Variants in ATP2C2 observed in about 807,000 individuals in gnomAD.
ATP2C2 encodes calcium-transporting ATPase type 2C member 2.
ATP2C2 carries 171 observed loss-of-function variants against 110.8 expected under a neutral mutation model. The observed-to-expected ratio is 1.54, with a 90% CI of 1.36 to 1.75. The LOEUF is 1.75. Ranked by LOEUF, ATP2C2 falls within the 40% of genes most tolerant of loss-of-function variation. The pLI, the probability that ATP2C2 is intolerant of heterozygous loss-of-function variation, is 0.00. For missense variants in ATP2C2, 1,963 were observed against 1,235.0 expected, an observed-to-expected ratio of 1.59 and a Z score of -8.84; for synonymous variants, 804 against 508.4, an observed-to-expected ratio of 1.58 and a Z score of -7.82.
intron 1 of ATP2C2, among the ~76,000 whole-genome samples, chr16:84,393,638 G>A (rs1904794475): frequency 5.3e-5 from 8 of 151,936 alleles, no homozygotes; most frequent in Admixed American, 5.2e-4. Flanking sequence ...CCAGAAAAGA[G>A]GTTATGTTTA....
At chr16:84,372,116 G>C (rs1449170410) in intron 1 of ATP2C2, among the ~76,000 whole-genome samples, 3 of 152,300 alleles carry the variant, frequency 2.0e-5, no homozygotes. Flanking sequence ...GCAGAGGAGG[G>C]TCGTACGGAG....
At chr16:84,449,753 C>G (rs1385464124) in intron 17 of ATP2C2, among the ~76,000 whole-genome samples, 1 of 152,212 alleles carries the variant, frequency 6.6e-6, no homozygotes, top group African/African-American at 2.4e-5. Context: ...TGGGTGGCAG[C>G]TGCTTTTGTC....
At chr16:84,412,277 C>G (rs72804693) in intron 6 of ATP2C2, among the ~76,000 whole-genome samples, 11,035 of 112,080 alleles carry the variant, frequency 0.098, 455 homozygotes, top group East Asian at 0.25. Flanking sequence ...TATGTGTGTA[C>G]GTGTGTGCAC....
In ATP2C2 at chr16:84,452,060, G is replaced by A. The variant is rs529266653; in HGVS notation, c.1800G>A (p.Thr600=). Residue 600 remains threonine, a synonymous_variant, in exon 18 of 27, where the codon ACG becomes ACA. Coordinates refer to ENST00000262429, the MANE Select transcript of ATP2C2 (RefSeq NM_014861.4). ...SESGVSVKMI[T]GDALETALAI... is the part of the protein sequence containing the mutation. The stretch of plus-strand genomic sequence containing the variant: ...CTGGTGTGTCTGTGAAGATGATAAC[G>A]GGGGATGCCCTGGAGACGGCCTTGG... The A allele has an allele frequency of 5.8e-5, 94 of 1,613,926 alleles. No homozygotes were observed. Among genetic ancestry groups the A allele is most frequent in the South Asian group, 1.4e-4 (13 of 91,052 alleles).
intron 6 of ATP2C2, among the ~76,000 whole-genome samples, chr16:84,412,859 G>A (rs1597790656): frequency 6.6e-6 from 1 of 152,022 alleles, no homozygotes; most frequent in Admixed American, 6.6e-5. Flanking sequence ...ACTTTGGGAG[G>A]CCGAGGTAGG....
chr16:84,429,183 C>T (rs1359459362), intron 11 of ATP2C2, among the ~76,000 whole-genome samples: 5 of 152,052 alleles, frequency 3.3e-5, no homozygotes, highest in Non-Finnish European at 7.4e-5. Context: ...CAGAGTTTCA[C>T]TCTTGTCGCC....
At chr16:84,443,395 T>C (rs1258703489) in intron 15 of ATP2C2, among the ~76,000 whole-genome samples, 1 of 152,150 alleles carries the variant, frequency 6.6e-6, no homozygotes, top group African/African-American at 2.4e-5. Context: ...CTCCGTGCTT[T>C]CTGCTGTGTG....
chr16:84,459,488 A>T (rs747478708), intron 23 of ATP2C2, 102 bp downstream of exon 23: 1 of 1,592,618 alleles, frequency 6.3e-7, no homozygotes, highest in Non-Finnish European at 8.5e-7. Context: ...ATGAACAAAT[A>T]CAGCCACTTT....
At chr16:84,416,897 A>G (rs1049732799) in intron 7 of ATP2C2, among the ~76,000 whole-genome samples, 6 of 148,118 alleles carry the variant, frequency 4.1e-5, no homozygotes, top group Admixed American at 2.7e-4. Context: ...CACATTTTCC[A>G]CGTTTTCCTT....
At chr16:84,418,459 C>A (rs60601685) in intron 7 of ATP2C2, among the ~76,000 whole-genome samples, 32 of 152,296 alleles carry the variant, frequency 2.1e-4, no homozygotes, top group Non-Finnish European at 3.5e-4. Flanking sequence ...TTCTACCTGC[C>A]TTTATTTTTG....
rs1324578680 is a variant in ATP2C2 at position 84,463,543 on chromosome 16, G to C, written c.2723-71G>C. On this transcript the variant is annotated intron_variant, in intron 26 of 26. Coordinates refer to ENST00000262429, the MANE Select transcript of ATP2C2 (RefSeq NM_014861.4). ...CTCACTTTATCAGGAGGACTGGCAG[G>C]GAAGGCGCTTCCTGCCGGCGCAACA... The C allele has an allele frequency of 3.1e-6, 4 of 1,309,028 alleles. No individual in the cohort carries two copies. In the Admixed American group the frequency reaches 6.7e-5, roughly 22 times the overall value. The allele number at this position is 1,309,028 out of a possible 1,614,324, so 81.1% of individuals were successfully genotyped here. A position where few individuals can be genotyped will look rare whatever the true frequency, so the allele number is the denominator to read the frequency against.
intron 1 of ATP2C2, among the ~76,000 whole-genome samples, chr16:84,382,335 G>A (rs1025054893): frequency 1.3e-4 from 20 of 152,198 alleles, no homozygotes; most frequent in Non-Finnish European, 5.9e-5. Flanking sequence ...TTATGGCTGC[G>A]TAGTATTCCA....
At chr16:84,395,922 A>G (rs776084438) in intron 1 of ATP2C2, among the ~76,000 whole-genome samples, 34 of 152,116 alleles carry the variant, frequency 2.2e-4, no homozygotes, top group Non-Finnish European at 4.3e-4. Flanking sequence ...ACCATCACCA[A>G]TATTTGCCTC....
chr16:84,369,172 C>T (rs1260528412), intron 1 of ATP2C2, among the ~76,000 whole-genome samples: 9 of 152,212 alleles, frequency 5.9e-5, no homozygotes, highest in Non-Finnish European at 1.2e-4. Flanking sequence ...AAAGTTGGAG[C>T]TGAGGGACCT....
intron 7 of ATP2C2, 67 bp downstream of exon 7, chr16:84,415,658 T>A: frequency 7.7e-7 from 1 of 1,305,886 alleles, no homozygotes; most frequent in Non-Finnish European, 1.1e-6. Flanking sequence ...GACACTTAGC[T>A]AATTGTAGGC....
At chr16:84,402,539 T>C (rs1905399216) in intron 2 of ATP2C2, among the ~76,000 whole-genome samples, 1 of 152,228 alleles carries the variant, frequency 6.6e-6, no homozygotes, top group African/African-American at 2.4e-5. Flanking sequence ...TCACGTTTTT[T>C]CAGCATTAAT....
chr16:84,430,715 G>A (rs1285012127), intron 11 of ATP2C2, among the ~76,000 whole-genome samples: 2 of 151,746 alleles, frequency 1.3e-5, no homozygotes, highest in Non-Finnish European at 2.9e-5. Flanking sequence ...TTTTGGTGCT[G>A]GAGAAGGAGC....
chr16:84,402,735 A>T (rs1905414704), intron 2 of ATP2C2, among the ~76,000 whole-genome samples: 1 of 152,168 alleles, frequency 6.6e-6, no homozygotes, highest in Non-Finnish European at 1.5e-5. Context: ...GTCATCAGTG[A>T]TATTGGCCAG....
At position 84,436,960 on chromosome 16, in the gene ATP2C2, C is replaced by G. The variant is rs1226827683; in HGVS notation, c.987-2206C>G. The stretch of plus-strand genomic sequence containing the variant: ...TATTTTTAGGAGAGACGGGGTTTCT[C>G]CATGTTGGCCAGGCTGGTGTCGAAC... On this transcript the variant is annotated intron_variant, in intron 11 of 26. Coordinates refer to ENST00000262429, the MANE Select transcript of ATP2C2 (RefSeq NM_014861.4). Among the ~76,000 whole-genome samples the G allele has an allele frequency of 3.3e-5, 5 of 152,158 alleles. No individual in the cohort carries two copies. The East Asian group carries it at 9.7e-4, about 29-fold the overall frequency.
Sources: allele counts gnomAD v4.1 joint callset (sites outside exome capture counted in the v4.1 genomes callset), GRCh38; gene constraint gnomAD v4.1.1; transcripts MANE v1.5; gene names NCBI Gene and HGNC (gene_info 2026-07-23, HGNC 2026-07-21).